The following KCNQ3 variants were observed in gnomAD, a reference collection of about 807,000 sequenced individuals.
The protein encoded by KCNQ3 is potassium voltage-gated channel subfamily Q member 3.
KCNQ3 carries 30 observed loss-of-function variants against 92.5 expected under a neutral mutation model. That is an observed-to-expected ratio of 0.32 (90% CI 0.24 to 0.44). The LOEUF (loss-of-function observed/expected upper bound fraction) is 0.44, where lower values mean the gene tolerates loss of function less well. Ranked by LOEUF, KCNQ3 falls within the 20% of genes least tolerant of loss-of-function variation. The probability of loss-of-function intolerance (pLI) is 1.00; values close to 1 mark genes in which losing one functional copy is unlikely to be tolerated. For synonymous variants in KCNQ3, 450 were observed against 468.8 expected, an observed-to-expected ratio of 0.96 and a Z score of 0.52; for missense variants, 913 against 1,140.3, an observed-to-expected ratio of 0.80 and a Z score of 2.87.
At chr8:132,224,355 A>T (rs867141541) in intron 1 of KCNQ3, among the ~76,000 whole-genome samples, 7 of 152,194 alleles carry the variant, frequency 4.6e-5, no homozygotes, top group Middle Eastern at 6.8e-3. Flanking sequence ...GCTTTTTAAA[A>T]TTTAATTTTA....
At chr8:132,387,619 T>C (rs1819923008) in intron 1 of KCNQ3, among the ~76,000 whole-genome samples, 1 of 152,156 alleles carries the variant, frequency 6.6e-6, no homozygotes, top group African/African-American at 2.4e-5. Context: ...AAAGTGACAA[T>C]TTGGGAAACC....
At chr8:132,284,016 A>T (rs940427834) in intron 1 of KCNQ3, among the ~76,000 whole-genome samples, 4 of 152,230 alleles carry the variant, frequency 2.6e-5, no homozygotes, top group African/African-American at 7.2e-5. Context: ...CTAGAGCCAG[A>T]TGAGGAACCA....
chr8:132,144,768 CT>C (rs1825403624), intron 9 of KCNQ3, among the ~76,000 whole-genome samples: 1 of 152,112 alleles, frequency 6.6e-6, no homozygotes, highest in Non-Finnish European at 1.5e-5. Flanking sequence ...ATCTTCATCC[CT>C]TTTTTTCATC....
intron 1 of KCNQ3, among the ~76,000 whole-genome samples, chr8:132,296,784 TATC>T (rs1234433294): frequency 6.6e-6 from 1 of 152,130 alleles, no homozygotes; most frequent in Non-Finnish European, 1.5e-5. Context: ...TAATCCAGTC[TATC>T]ATTGTTGGAC....
intron 11 of KCNQ3, among the ~76,000 whole-genome samples, chr8:132,139,160 C>G (rs1825206054): frequency 6.6e-6 from 1 of 152,194 alleles, no homozygotes; most frequent in Non-Finnish European, 1.5e-5. Flanking sequence ...TTGATGACCT[C>G]TGAATTAAGA....
Position 132,250,241 on chromosome 8 carries a change from G to A in KCNQ3, c.387-64060C>T, listed in dbSNP as rs191033451. Among the ~76,000 whole-genome samples the A allele has an allele frequency of 2.0e-5, 3 of 152,324 alleles. No individual in the cohort carries two copies. In the East Asian group the frequency reaches 5.8e-4, roughly 30 times the overall value. ...TAGCAGTCTTGCCTCCAGGGGAAGA[G>A]AGTCTGACAGAGAATGGAGACTACA... On this transcript the variant is annotated intron_variant, in intron 1 of 14. Transcript: ENST00000388996.
rs936393510 is a variant in KCNQ3, at chr8:132,287,939, A to T, written c.387-101758T>A. On this transcript the variant is annotated intron_variant, in intron 1 of 14. Coordinates refer to ENST00000388996, the MANE Select transcript of KCNQ3 (RefSeq NM_004519.4). ...ATAAAATGGTGAATTTTATGTTATT[A>T]AAAAAACCCTCATTTTAAAAAAATT... Among the ~76,000 whole-genome samples, 5 of 152,248 alleles carry T rather than the reference A, an allele frequency of 3.3e-5. No homozygotes were observed. The East Asian group carries it at 7.7e-4, about 24-fold the overall frequency.
At chr8:132,138,249 A>C (rs565159241) in intron 11 of KCNQ3, among the ~76,000 whole-genome samples, 1 of 152,338 alleles carries the variant, frequency 6.6e-6, no homozygotes, top group African/African-American at 2.4e-5. Flanking sequence ...TCATAGTATT[A>C]ATAAGAGCTA....
rs1250476018 is a variant in KCNQ3 at position 132,127,701 on chromosome 8, C to T, written c.*1561G>A. The T allele has an allele frequency of 6.6e-6, 1 of 152,206 alleles. No homozygotes were observed. The highest frequency in any genetic ancestry group is 6.5e-5 in the Admixed American group (1 of 15,286). 9.4% of individuals were successfully genotyped at this position (152,206 alleles called of 1,614,324 possible). A position where few individuals can be genotyped will look rare whatever the true frequency, so the allele number is the denominator to read the frequency against. On this transcript the variant is annotated 3_prime_UTR_variant, in exon 15 of 15. Transcript: ENST00000388996. Reference sequence around the variant, plus strand: ...GTGTGAGAAGAGTGATACAATAATACTGTGGCATGGTCATTTAGCTAATTC... The same window carrying T: ...GTGTGAGAAGAGTGATACAATAATATTGTGGCATGGTCATTTAGCTAATTC...
At chr8:132,143,649 A>G (rs938673326) in intron 9 of KCNQ3, among the ~76,000 whole-genome samples, 6 of 152,184 alleles carry the variant, frequency 3.9e-5, no homozygotes, top group African/African-American at 1.2e-4. Context: ...TAAGGGTTAA[A>G]TGAGGTAATG....
intron 1 of KCNQ3, among the ~76,000 whole-genome samples, chr8:132,434,379 C>T (rs1163875409): frequency 6.6e-6 from 1 of 152,092 alleles, no homozygotes; most frequent in Non-Finnish European, 1.5e-5. Flanking sequence ...TTATATCTAT[C>T]ACCTGCCTGC....
At chr8:132,453,209 C>A (rs895142916) in intron 1 of KCNQ3, among the ~76,000 whole-genome samples, 2 of 152,104 alleles carry the variant, frequency 1.3e-5, no homozygotes, top group African/African-American at 2.4e-5. Flanking sequence ...GAGAGGTGGG[C>A]AAGGGCTGGA....
chr8:132,243,689 A>C (rs558322454), intron 1 of KCNQ3, among the ~76,000 whole-genome samples: 1 of 152,310 alleles, frequency 6.6e-6, no homozygotes, highest in Admixed American at 6.5e-5. Flanking sequence ...TCTTTGGATA[A>C]ATGACTTAAT....
intron 1 of KCNQ3, among the ~76,000 whole-genome samples, chr8:132,250,620 T>C (rs761348452): frequency 1.3e-5 from 2 of 152,176 alleles, no homozygotes; most frequent in Non-Finnish European, 2.9e-5. Flanking sequence ...GAACCGATTA[T>C]AAAAACAATC....
At chr8:132,241,891 GATT>G (rs1815010877) in intron 1 of KCNQ3, among the ~76,000 whole-genome samples, 2 of 152,220 alleles carry the variant, frequency 1.3e-5, no homozygotes, top group African/African-American at 4.8e-5. Context: ...AAGGGTAATG[GATT>G]ATTCTTATTT....
intron 1 of KCNQ3, among the ~76,000 whole-genome samples, chr8:132,216,494 G>A (rs974751411): frequency 6.6e-6 from 1 of 152,144 alleles, no homozygotes; most frequent in Non-Finnish European, 1.5e-5. Context: ...AGAATGGATG[G>A]GAGGGAGGGA....
In KCNQ3 at chr8:132,129,993, G is replaced by T. The variant is rs1466449283; in HGVS notation, c.1888C>A (p.Gln630Lys). ...AAGTCCAGCTTCTTCCCCATGTCCT[G>T]AACCTGGAAAATCAAAGGAGCTGTG... is the stretch of plus-strand genomic sequence containing the variant. ...GKFVKVERQV[Q>K]DMGKKLDFLV... The change falls in exon 15 of 15, where the codon CAG becomes AAG. Residue 630 changes from glutamine (Q) to lysine (K), a missense_variant. By Grantham distance (53) the Gln-to-Lys change is moderately conservative. Coordinates refer to ENST00000388996, the MANE Select transcript of KCNQ3 (RefSeq NM_004519.4). This position sits in a 1 kb window ranked among gnomAD's most constrained non-coding sequence, Gnocchi z 5.9. The T allele has an allele frequency of 6.2e-7, 1 of 1,613,162 alleles. No homozygotes were observed. The highest frequency in any genetic ancestry group is 1.7e-5 in the Admixed American group (1 of 60,024).
At chr8:132,293,163 C>A (rs1284619282) in intron 1 of KCNQ3, among the ~76,000 whole-genome samples, 4 of 152,160 alleles carry the variant, frequency 2.6e-5, no homozygotes, top group African/African-American at 9.7e-5. Flanking sequence ...TCATCTATAT[C>A]CTTTGTAATA....
intron 1 of KCNQ3, among the ~76,000 whole-genome samples, chr8:132,375,344 C>T (rs748703509): frequency 7.6e-6 from 1 of 131,852 alleles, no homozygotes; most frequent in Non-Finnish European, 1.6e-5. Flanking sequence ...AAGAATGGCA[C>T]TGTTTTTGCC....
Sources: allele counts gnomAD v4.1 joint callset (sites outside exome capture counted in the v4.1 genomes callset), GRCh38; gene constraint gnomAD v4.1.1; non-coding constraint Gnocchi (gnomAD v3.1); transcripts MANE v1.5; gene names NCBI Gene and HGNC (gene_info 2026-07-23, HGNC 2026-07-21).